Variants in PLCE1 observed in about 807,000 individuals in gnomAD.
PLCE1 encodes 1-phosphatidylinositol 4,5-bisphosphate phosphodiesterase epsilon-1.
In PLCE1, 119 loss-of-function variants were observed where a neutral mutation model predicts 242.8. The observed-to-expected ratio is 0.49, with a 90% CI of 0.42 to 0.57. The LOEUF is 0.57. Ranked by LOEUF, PLCE1 falls within the 20% of genes least tolerant of loss-of-function variation. The pLI is 0.00. For missense variants in PLCE1, 2,441 were observed against 2,788.8 expected (o/e 0.88, Z 2.81); for synonymous variants, 945 against 1,017.4 (o/e 0.93, Z 1.35).
At chr10:94,114,623 TAATCTCC>T (rs2046060658) in intron 2 of PLCE1, among the ~76,000 whole-genome samples, 1 of 152,234 alleles carries the variant, frequency 6.6e-6, no homozygotes, top group Non-Finnish European at 1.5e-5. Flanking sequence ...CCTACTATTA[TAATCTCC>T]ACATTACCCC....
At chr10:94,301,126 C>T (rs1023123433) in intron 24 of PLCE1, among the ~76,000 whole-genome samples, 4 of 151,992 alleles carry the variant, frequency 2.6e-5, no homozygotes, top group Non-Finnish European at 5.9e-5. Context: ...AGATGGATCA[C>T]CTGAGGTCAG....
At chr10:94,057,289 T>C (rs2043934440) in intron 2 of PLCE1, among the ~76,000 whole-genome samples, 1 of 152,194 alleles carries the variant, frequency 6.6e-6, no homozygotes, top group African/African-American at 2.4e-5. Context: ...TCATCTACCA[T>C]AATATCATGA....
chr10:94,326,719 A>G lies in PLCE1; in HGVS notation c.*25-1249A>G, dbSNP rs192520877. 6.0e-4 allele frequency among the ~76,000 whole-genome samples: 92 copies of G among 152,340 alleles called. No homozygotes were observed. In the South Asian group the frequency reaches 0.017, roughly 28 times the overall value. ...GACTGGGGGAGGGTGATTGATAGTG[A>G]TTTAGATGATTGCCTTTAGATTCTA... On this transcript the variant is annotated intron_variant, in intron 32 of 32. Transcript: ENST00000371380.
At chr10:94,304,750 G>C (rs1439634436) in intron 25 of PLCE1, 105 bp downstream of exon 25, 1 of 1,097,804 alleles carries the variant, frequency 9.1e-7, no homozygotes, top group Non-Finnish European at 1.4e-6. Context: ...GTCACAATTT[G>C]GGTCATACAG....
At chr10:94,055,638 T>C (rs2043884107) in intron 2 of PLCE1, among the ~76,000 whole-genome samples, 1 of 152,180 alleles carries the variant, frequency 6.6e-6, no homozygotes, top group Admixed American at 6.5e-5. Context: ...TTTTGAGTTG[T>C]ACTTCCTAGG....
chr10:94,180,915 T>C (rs1227950022), intron 4 of PLCE1, among the ~76,000 whole-genome samples: 1 of 152,248 alleles, frequency 6.6e-6, no homozygotes, highest in Non-Finnish European at 1.5e-5. Flanking sequence ...GGCTCAGAAC[T>C]ATGAGAAAAT....
rs551144948 is a variant in PLCE1 at position 94,084,662 on chromosome 10, A to T, written c.1207-47512A>T. 4.8e-4 allele frequency among the ~76,000 whole-genome samples: 73 copies of T among 152,350 alleles called. 1 individual carries two copies. The highest frequency in any genetic ancestry group is 9.7e-4 in the Non-Finnish European group (66 of 68,036). ...CTTTTATCTTGTCTGGTGTCCATAC[A>T]TCCCAGCTTTAAATTCCTCTTAAAA... is the stretch of plus-strand genomic sequence containing the variant. On this transcript the variant is annotated intron_variant, in intron 2 of 32. Transcript: ENST00000371380.
intron 21 of PLCE1, among the ~76,000 whole-genome samples, chr10:94,284,315 G>A (rs2052356622): frequency 6.6e-6 from 1 of 152,130 alleles, no homozygotes; most frequent in Non-Finnish European, 1.5e-5. Flanking sequence ...AGAACATTCG[G>A]GCCAAGAGGG....
chr10:94,148,225 C>T (rs2047173164), intron 3 of PLCE1, among the ~76,000 whole-genome samples: 6 of 151,928 alleles, frequency 3.9e-5, no homozygotes, highest in East Asian at 1.9e-4. Context: ...GGAGATGGAG[C>T]GAAGAAGGCA....
chr10:94,028,429 A>G lies in PLCE1; in HGVS notation c.-364-2254A>G, dbSNP rs528842857. 2.6e-5 allele frequency among the ~76,000 whole-genome samples: 4 copies of G among 152,304 alleles called. No individual in the cohort carries two copies. In the East Asian group the frequency reaches 5.8e-4, roughly 22 times the overall value. On this transcript the variant is annotated intron_variant, in intron 1 of 32. Coordinates refer to ENST00000371380, the MANE Select transcript of PLCE1 (RefSeq NM_016341.4). ...CCCCCAGAGCATGCGAGAGAGGAGT[A>G]GCAAGGAGGAAGCTCCAATGACTTT...
intron 4 of PLCE1, among the ~76,000 whole-genome samples, chr10:94,211,418 C>A (rs1194395956): frequency 6.6e-6 from 1 of 152,206 alleles, no homozygotes; most frequent in African/African-American, 2.4e-5. Context: ...AACTGGGTGA[C>A]CTTTGCAAGT....
chr10:94,197,160 G>T (rs1163667065), intron 4 of PLCE1, among the ~76,000 whole-genome samples: 1 of 152,148 alleles, frequency 6.6e-6, no homozygotes, highest in South Asian at 2.1e-4. Context: ...ATTGTAGCAT[G>T]AATCAGTACT....
chr10:94,254,153 T>C (rs755649770), intron 9 of PLCE1, 37 bp from the exon 10 acceptor site: 2 of 1,464,502 alleles, frequency 1.4e-6, no homozygotes, highest in African/African-American at 1.4e-5. Context: ...GGGAGAGAAA[T>C]ACAGGCTTGG....
In PLCE1 at chr10:94,273,551, ATTC is replaced by A. The variant is rs779078596; in HGVS notation, c.4507-8_4507-6del. ...AGGCATTGATTGTATGTTTTCCTTC[ATTC>A]TTTTTAGACTGTGTTTGGAGAAAAG... On this transcript the variant is annotated splice_region_variant and splice_polypyrimidine_tract_variant and intron_variant, in intron 18 of 32. Coordinates refer to ENST00000371380, the MANE Select transcript of PLCE1 (RefSeq NM_016341.4). The A allele has an allele frequency of 1.9e-6, 3 of 1,611,700 alleles. No individual in the cohort carries two copies. The African/African-American group carries it at 4.0e-5, about 22-fold the overall frequency.
intron 4 of PLCE1, among the ~76,000 whole-genome samples, chr10:94,226,908 C>T (rs921875891): frequency 7.4e-6 from 1 of 135,592 alleles, no homozygotes; most frequent in Non-Finnish European, 1.5e-5. Context: ...GGTACAATCT[C>T]GGCTCGCTGC....
intron 2 of PLCE1, among the ~76,000 whole-genome samples, chr10:94,082,598 A>G (rs1478100707): frequency 6.6e-6 from 1 of 152,206 alleles, no homozygotes; most frequent in Non-Finnish European, 1.5e-5. Context: ...TTCATCATAT[A>G]TCAGAGCCCA....
chr10:94,194,483 A>G (rs528138749), intron 4 of PLCE1, among the ~76,000 whole-genome samples: 1 of 152,254 alleles, frequency 6.6e-6, no homozygotes, highest in East Asian at 1.9e-4. Context: ...CCCCTTTTAC[A>G]TCTGTCTACC....
In PLCE1 at chr10:94,166,595, T is replaced by C. The variant is rs1449294266; in HGVS notation, c.1493-4585T>C. Among the ~76,000 whole-genome samples, 6 of 148,576 alleles carry C rather than the reference T, an allele frequency of 4.0e-5. No homozygotes were observed. In the East Asian group the frequency reaches 1.2e-3, roughly 29 times the overall value. On this transcript the variant is annotated intron_variant, in intron 3 of 32. Coordinates refer to ENST00000371380, the MANE Select transcript of PLCE1 (RefSeq NM_016341.4). Reference sequence around the variant, plus strand: ...GAGAAAAAAGGTGTGTGTGTGTGTGTGTGTGTGTGTGTGTGTGTAGAAATA... The same window carrying C: ...GAGAAAAAAGGTGTGTGTGTGTGTGCGTGTGTGTGTGTGTGTGTAGAAATA...
At chr10:93,995,939 G>A (rs1193209357) in intron 1 of PLCE1, among the ~76,000 whole-genome samples, 1 of 152,160 alleles carries the variant, frequency 6.6e-6, no homozygotes, top group Non-Finnish European at 1.5e-5. Flanking sequence ...GGCTTTTGTT[G>A]TATACTTTAA....
Sources: gnomAD v4.1 joint callset for allele counts (sites outside exome capture counted in the v4.1 genomes callset) on GRCh38, gnomAD v4.1.1 for gene constraint, MANE v1.5 for transcripts, NCBI Gene and HGNC (gene_info 2026-07-23, HGNC 2026-07-21) for gene names.